LYST: variants seen among roughly 807,000 people sequenced by gnomAD.
LYST encodes the protein lysosomal-trafficking regulator.
A neutral mutation model predicts 413.6 loss-of-function variants in LYST; 192 were observed. That is an observed-to-expected ratio of 0.46 (90% CI 0.41 to 0.52). LYST has a LOEUF of 0.52. LYST is among the 20% of genes least tolerant of loss of function. The pLI is 0.00. For missense variants in LYST, 3,815 were observed against 4,499.9 expected, an observed-to-expected ratio of 0.85 and a Z score of 4.35; for synonymous variants, 1,525 against 1,567.3, an observed-to-expected ratio of 0.97 and a Z score of 0.64.
At chr1:235,727,124 C>CTTTTT (rs763736405) in intron 38 of LYST, among the ~76,000 whole-genome samples, 27 of 135,114 alleles carry the variant, frequency 2.0e-4, no homozygotes, top group Non-Finnish European at 2.5e-4. Flanking sequence ...TTCTTTCTTT[C>CTTTTT]TTTTTTTTTT....
intron 31 of LYST, among the ~76,000 whole-genome samples, chr1:235,740,170 T>C (rs974602449): frequency 4.6e-5 from 7 of 152,210 alleles, no homozygotes; most frequent in African/African-American, 1.7e-4. Flanking sequence ...CCTAAAAGTA[T>C]TCCTTCCAGA....
At chr1:235,762,242 A>G (rs183871514) in intron 22 of LYST, among the ~76,000 whole-genome samples, 1 of 152,330 alleles carries the variant, frequency 6.6e-6, no homozygotes, top group Admixed American at 6.5e-5. Context: ...TATGGATAGA[A>G]CAAAGCGGGA....
chr1:235,835,100 T>TG (rs112045100), intron 1 of LYST, among the ~76,000 whole-genome samples: 61,643 of 146,204 alleles, frequency 0.42, 13,537 homozygotes, highest in African/African-American at 0.58. Flanking sequence ...GTATTTTTAA[T>TG]GGGGGGGGGT....
chr1:235,823,854 T>C (rs559245538), intron 3 of LYST, among the ~76,000 whole-genome samples: 1 of 152,366 alleles, frequency 6.6e-6, no homozygotes, highest in Non-Finnish European at 1.5e-5. Context: ...TACACTGTTT[T>C]GTCATCATTT....
intron 12 of LYST, among the ~76,000 whole-genome samples, chr1:235,789,063 A>G (rs1054160446): frequency 6.6e-6 from 1 of 152,182 alleles, no homozygotes; most frequent in African/African-American, 2.4e-5. Flanking sequence ...AGTACTTTAA[A>G]AGTTATTAGA....
intron 12 of LYST, 138 bp downstream of exon 12, chr1:235,791,561 C>G: frequency 2.6e-6 from 2 of 757,344 alleles, no homozygotes; most frequent in East Asian, 5.0e-5. Flanking sequence ...AAGTCAGGAC[C>G]TACCACCACT....
Position 235,813,040 on chromosome 1 carries a change from GTTC to G in LYST, c.211_213del (p.Glu71del). 2 of 1,605,560 alleles carry G rather than the reference GTTC, an allele frequency of 1.2e-6. No individual in the cohort carries two copies. The highest frequency in any genetic ancestry group is 1.7e-6 in the Non-Finnish European group (2 of 1,172,376). On this transcript the variant is annotated inframe_deletion, in exon 4 of 53. Coordinates refer to ENST00000389793, the MANE Select transcript of LYST (RefSeq NM_000081.4). ...AGGAGAGACAGAAGAAGAGTCAGGA[GTTC>G]TTCTCTACATGTCAATGCCTATGTC... is the stretch of plus-strand genomic sequence containing the variant.
At position 235,777,208 on chromosome 1, in the gene LYST, T is replaced by C. The variant is rs754761237; in HGVS notation, c.5315A>G (p.Gln1772Arg). The C allele has an allele frequency of 8.7e-6, 14 of 1,613,798 alleles. No individual in the cohort carries two copies. In the East Asian group the frequency reaches 3.1e-4, roughly 36 times the overall value. The part of the protein sequence containing the change: ...LKGQMKTQLS[Q>R]RPFSSKEVQS... Reference sequence around the variant, plus strand: ...AACTTCTTTTGAGCTGAAGGGTCTTTGAGAGAGTTGGGTTTTCATTTGACC... The same window carrying C: ...AACTTCTTTTGAGCTGAAGGGTCTTCGAGAGAGTTGGGTTTTCATTTGACC... Residue 1772 changes from glutamine (Q) to arginine (R), a missense_variant, in exon 17 of 53, where the codon CAA becomes CGA. Around this residue, in one of 4 missense-constraint regions of LYST, gnomAD observed 530 missense variants for 696.5 expected, o/e 0.76. Transcript: ENST00000389793.
At chr1:235,803,199 T>A in intron 7 of LYST, 135 bp from the exon 8 acceptor site, 2 of 709,334 alleles carry the variant, frequency 2.8e-6, no homozygotes, top group South Asian at 3.6e-5. Context: ...ATATGAATCA[T>A]TATAAATTAT....
chr1:235,684,924 C>T (rs1353389423), intron 48 of LYST, among the ~76,000 whole-genome samples: 1 of 152,162 alleles, frequency 6.6e-6, no homozygotes, highest in Non-Finnish European at 1.5e-5. Context: ...CCACCACACC[C>T]TGCTTATATT....
intron 49 of LYST, 142 bp downstream of exon 49, chr1:235,677,338 A>C: frequency 9.2e-7 from 1 of 1,086,740 alleles, no homozygotes; most frequent in Admixed American, 1.9e-5. Context: ...AAAATATAAT[A>C]GGTAATCTTA....
chr1:235,731,284 A>G (rs1664356566), intron 34 of LYST, 107 bp from the exon 35 acceptor site: 1 of 928,940 alleles, frequency 1.1e-6, no homozygotes, highest in Non-Finnish European at 1.8e-6. Context: ...TGATCTGTTA[A>G]TTTAAAAACT....
At position 235,758,981 on chromosome 1, in the gene LYST, C is replaced by G; in HGVS notation, c.6872G>C (p.Ser2291Thr). The change falls in exon 23 of 53, where the codon AGT becomes ACT. Residue 2291 changes from serine (S) to threonine (T), a missense_variant. Physicochemically the swap from Ser to Thr is moderately conservative, Grantham distance 58 (BLOSUM62 1). Coordinates refer to ENST00000389793, the MANE Select transcript of LYST (RefSeq NM_000081.4). ...GYEPNYNRTA[S>T]AHSVTEDCLV... ...AAAAACACATAAGTACCTGTGAGCACTTGCAGTTCGGTTGTAATTTGGCTC... is the reference window on the plus strand; with the variant it reads ...AAAAACACATAAGTACCTGTGAGCAGTTGCAGTTCGGTTGTAATTTGGCTC... 6.2e-7 allele frequency: 1 copy of G among 1,613,914 alleles called. No individual in the cohort carries two copies. The highest frequency in any genetic ancestry group is 8.5e-7 in the Non-Finnish European group (1 of 1,179,930).
At chr1:235,838,447 C>T (rs1676814070) in intron 1 of LYST, among the ~76,000 whole-genome samples, 1 of 152,164 alleles carries the variant, frequency 6.6e-6, no homozygotes, top group African/African-American at 2.4e-5. Flanking sequence ...TAGGTAGAAA[C>T]TGGGTTATCT....
At chr1:235,828,773 T>A (rs1675611143) in intron 3 of LYST, 5 of 885,848 alleles carry the variant, frequency 5.6e-6, no homozygotes, top group Non-Finnish European at 6.8e-6. Flanking sequence ...ATAATCAAAA[T>A]TTCAAAATAA....
intron 3 of LYST, chr1:235,828,255 C>T: frequency 1.3e-5 from 8 of 639,242 alleles, no homozygotes; most frequent in Non-Finnish European, 1.6e-5. Flanking sequence ...TTAGTGTTTG[C>T]TTAGGGGTAG....
At chr1:235,677,030 C>A in intron 50 of LYST, 61 bp downstream of exon 50, 1 of 1,221,090 alleles carries the variant, frequency 8.2e-7, no homozygotes, top group Non-Finnish European at 1.2e-6. Context: ...GGAGTAACCA[C>A]TGGCCGAATG....
At chr1:235,670,169 C>T (rs1295670591) in intron 50 of LYST, among the ~76,000 whole-genome samples, 2 of 152,306 alleles carry the variant, frequency 1.3e-5, no homozygotes, top group African/African-American at 4.8e-5. Flanking sequence ...CTCTTCCTCC[C>T]CTCCTCTTGC....
At chr1:235,743,702 T>A (rs974690460) in intron 30 of LYST, among the ~76,000 whole-genome samples, 3 of 152,196 alleles carry the variant, frequency 2.0e-5, no homozygotes, top group Non-Finnish European at 4.4e-5. Context: ...ATGATGATGA[T>A]CTACTCTTTT....
Sources: allele counts gnomAD v4.1 joint callset (sites outside exome capture counted in the v4.1 genomes callset), GRCh38; gene constraint gnomAD v4.1.1; regional missense constraint gnomAD v4.1.1; transcripts MANE v1.5; gene names NCBI Gene and HGNC (gene_info 2026-07-23, HGNC 2026-07-21).